The following NTM variants were observed in gnomAD, a reference collection of about 807,000 sequenced individuals.
NTM encodes neurotrimin, also known as IgLON family member 2.
Under a neutral mutation model 42.1 loss-of-function variants are expected in NTM, and 13 were observed. The ratio of observed to expected loss-of-function variants is 0.31; its 90% CI spans 0.20 to 0.49. The LOEUF (loss-of-function observed/expected upper bound fraction) is 0.49. NTM is among the 20% of genes least tolerant of loss of function. The pLI is 0.99. For synonymous variants in NTM, 187 were observed against 179.2 expected, an observed-to-expected ratio of 1.04 and a Z score of -0.35; for missense variants, 373 against 452.8, an observed-to-expected ratio of 0.82 and a Z score of 1.60.
chr11:132,078,707 C>T (rs569536201), intron 2 of NTM, among the ~76,000 whole-genome samples: 1 of 152,284 alleles, frequency 6.6e-6, no homozygotes, highest in East Asian at 1.9e-4. Flanking sequence ...GTGCTTTTCC[C>T]TTTAATTTTT....
At chr11:131,694,038 C>A (rs1297394870) in intron 1 of NTM, among the ~76,000 whole-genome samples, 2 of 152,204 alleles carry the variant, frequency 1.3e-5, no homozygotes, top group African/African-American at 2.4e-5. Flanking sequence ...CTTGGTCACC[C>A]ACCTCTCCCC....
At chr11:131,425,302 A>G (rs1187268262) in intron 1 of NTM, among the ~76,000 whole-genome samples, 1 of 152,070 alleles carries the variant, frequency 6.6e-6, no homozygotes, top group Non-Finnish European at 1.5e-5. Flanking sequence ...ATCTCTGGCC[A>G]TAGTTTCCCA....
At chr11:132,135,288 A>G (rs2067678155) in intron 2 of NTM, among the ~76,000 whole-genome samples, 1 of 152,182 alleles carries the variant, frequency 6.6e-6, no homozygotes, top group Non-Finnish European at 1.5e-5. Flanking sequence ...CTGACTACAG[A>G]CCACCCTCCA....
intron 1 of NTM, chr11:131,795,227 C>T (rs900955825): frequency 5.5e-5 from 21 of 381,886 alleles, no homozygotes; most frequent in African/African-American, 1.8e-4. Flanking sequence ...CCAGCTCTCT[C>T]GTATCTCTTC....
chr11:131,501,654 AG>A, intron 1 of NTM, among the ~76,000 whole-genome samples: 1 of 152,276 alleles, frequency 6.6e-6, no homozygotes, highest in East Asian at 1.9e-4. Flanking sequence ...ACGATGGCAA[AG>A]GGGGCTGTTG....
chr11:132,037,365 G>A lies in NTM; in HGVS notation c.168-108917G>A, dbSNP rs560463368. 2.0e-5 allele frequency among the ~76,000 whole-genome samples: 3 copies of A among 152,232 alleles called. No homozygotes were observed. The East Asian group carries it at 5.8e-4, about 30-fold the overall frequency. On this transcript the variant is annotated intron_variant, in intron 2 of 8. Transcript: ENST00000683400. ...AGGCCCTCACTGCCACGCTTCTTGT[G>A]CTGCCTGCAGTACCATGAGCCAAAT...
chr11:132,177,478 G>C (rs1428864162), intron 3 of NTM, among the ~76,000 whole-genome samples: 1 of 152,154 alleles, frequency 6.6e-6, no homozygotes, highest in African/African-American at 2.4e-5. Flanking sequence ...AGTGGAATAG[G>C]GGACACAAGT....
intron 1 of NTM, among the ~76,000 whole-genome samples, chr11:131,414,760 A>G (rs1591602271): frequency 6.6e-6 from 1 of 152,050 alleles, no homozygotes; most frequent in Non-Finnish European, 1.5e-5. Context: ...CAGCCTGCCT[A>G]TTTCTTCATT....
chr11:131,819,987 C>T (rs964115679), intron 1 of NTM, among the ~76,000 whole-genome samples: 2 of 152,184 alleles, frequency 1.3e-5, no homozygotes, highest in Admixed American at 1.3e-4. Context: ...TTATTAGGGC[C>T]TTTGTTCCAT....
Position 132,003,544 on chromosome 11 carries a change from C to T in NTM, c.167+91896C>T, listed in dbSNP as rs1181043963. ...TATAAGCATTAGCCACTGCGCCTGG[C>T]CCATGATTTGCATTTTTAACAAGTT... On this transcript the variant is annotated intron_variant, in intron 2 of 8. Coordinates refer to ENST00000683400, the MANE Select transcript of NTM (RefSeq NM_001352005.2). The surrounding 1 kb of genome is among the most constrained non-coding windows in gnomAD (Gnocchi z 6.0). Among the ~76,000 whole-genome samples, 1 of 152,164 alleles carries T rather than the reference C, an allele frequency of 6.6e-6. No homozygotes were observed. The highest frequency in any genetic ancestry group is 1.5e-5 in the Non-Finnish European group (1 of 68,036).
At chr11:131,952,532 C>G (rs1334531572) in intron 2 of NTM, among the ~76,000 whole-genome samples, 1 of 152,136 alleles carries the variant, frequency 6.6e-6, no homozygotes, top group African/African-American at 2.4e-5. Flanking sequence ...TCTCAGCTAT[C>G]CCTTAGTGGC....
chr11:132,329,744 G>T (rs1041739894), intron 7 of NTM, among the ~76,000 whole-genome samples: 3 of 152,216 alleles, frequency 2.0e-5, no homozygotes, highest in Admixed American at 2.0e-4. Context: ...AGACCTACAG[G>T]CTTCAACTAA....
At chr11:131,698,798 A>G (rs894387945) in intron 1 of NTM, among the ~76,000 whole-genome samples, 2 of 152,180 alleles carry the variant, frequency 1.3e-5, no homozygotes, top group Admixed American at 6.5e-5. Flanking sequence ...GATTTCTTAC[A>G]TTGTAGCCCA....
At chr11:131,788,743 G>A (rs1300948777) in intron 1 of NTM, among the ~76,000 whole-genome samples, 2 of 151,952 alleles carry the variant, frequency 1.3e-5, no homozygotes, top group East Asian at 3.9e-4. Flanking sequence ...ATTTTTTAGG[G>A]TGCTTCTCCC....
In NTM at chr11:132,147,923, C is replaced by T. The variant is rs12573901; in HGVS notation, c.400+1409C>T. ...CCTGCTGTTTGACAGTAGGGGAAGG[C>T]GGAACTTGGGTCGTGATCAGCACTG... On this transcript the variant is annotated intron_variant, in intron 3 of 8. Coordinates refer to ENST00000683400, the MANE Select transcript of NTM (RefSeq NM_001352005.2). Among the ~76,000 whole-genome samples the T allele has an allele frequency of 1.2e-4, 19 of 152,226 alleles. No homozygotes were observed. In the East Asian group the frequency reaches 2.3e-3, roughly 19 times the overall value.
At chr11:131,836,036 C>T (rs986677319) in intron 1 of NTM, among the ~76,000 whole-genome samples, 3 of 152,118 alleles carry the variant, frequency 2.0e-5, no homozygotes, top group East Asian at 3.9e-4. Flanking sequence ...CAGGCCAGTG[C>T]TACTTTTAGA....
At chr11:132,096,643 C>G (rs1244627206) in intron 2 of NTM, among the ~76,000 whole-genome samples, 1 of 152,222 alleles carries the variant, frequency 6.6e-6, no homozygotes, top group South Asian at 2.1e-4. Flanking sequence ...CAATTAATTA[C>G]TGACCCATCA....
intron 1 of NTM, among the ~76,000 whole-genome samples, chr11:131,816,185 C>T (rs1390404727): frequency 6.6e-6 from 1 of 152,158 alleles, no homozygotes. Context: ...TGTTCTGGAT[C>T]ACACCAAGTG....
At chr11:131,455,373 T>G (rs1020521781) in intron 1 of NTM, 2 of 152,260 alleles carry the variant, frequency 1.3e-5, no homozygotes, top group African/African-American at 4.8e-5. Flanking sequence ...CTGCTGGCAT[T>G]CCCACTGTCA....
Sources: allele counts gnomAD v4.1 joint callset (sites outside exome capture counted in the v4.1 genomes callset), GRCh38; gene constraint gnomAD v4.1.1; non-coding constraint Gnocchi (gnomAD v3.1); transcripts MANE v1.5; gene names NCBI Gene and HGNC (gene_info 2026-07-23, HGNC 2026-07-21).